Variants in BOC observed in about 807,000 individuals in gnomAD.
The protein encoded by BOC is brother of CDO.
In BOC, 76 loss-of-function variants were observed where a neutral mutation model predicts 112.0. The observed-to-expected ratio is 0.68, with a 90% CI of 0.56 to 0.82. The LOEUF is 0.82. Ranked by LOEUF, BOC falls within the 40% of genes least tolerant of loss-of-function variation. The pLI, the probability that BOC is intolerant of heterozygous loss-of-function variation, is 0.00. For synonymous variants in BOC, 580 were observed against 599.8 expected (o/e 0.97, Z 0.48); for missense variants, 1,309 against 1,511.7 (o/e 0.87, Z 2.22).
chr3:113,266,308 T>C (rs1396203127), intron 4 of BOC, among the ~76,000 whole-genome samples: 1 of 152,220 alleles, frequency 6.6e-6, no homozygotes, highest in Admixed American at 6.5e-5. Context: ...AAGCACATCA[T>C]GGAGAATGGA....
At chr3:113,281,959 C>T (rs1576506284) in intron 15 of BOC, among the ~76,000 whole-genome samples, 1 of 152,152 alleles carries the variant, frequency 6.6e-6, no homozygotes, top group Non-Finnish European at 1.5e-5. Context: ...CCTGGATCAC[C>T]TGGTGCAGGG....
At chr3:113,261,859 C>G (rs1399722228) in intron 4 of BOC, 1 of 152,150 alleles carries the variant, frequency 6.6e-6, no homozygotes, top group Non-Finnish European at 1.5e-5. Flanking sequence ...CATCTCTTCC[C>G]CAATCCCAGC....
At chr3:113,272,826 G>A in intron 7 of BOC, 123 bp downstream of exon 7, 1 of 1,241,590 alleles carries the variant, frequency 8.1e-7, no homozygotes, top group Non-Finnish European at 1.1e-6. Context: ...GCTGAGTGAG[G>A]AACAGGCATG....
chr3:113,280,048 C>T (rs1051580502), intron 13 of BOC, 43 bp downstream of exon 13: 1 of 1,542,570 alleles, frequency 6.5e-7, no homozygotes, highest in African/African-American at 1.4e-5. Flanking sequence ...GACGGCCTCC[C>T]CTAAATGCCC....
At position 113,286,749 on chromosome 3, in the gene BOC, G is replaced by C. The variant is rs761514737; in HGVS notation, c.3235G>C (p.Asp1079His). The C allele has an allele frequency of 6.2e-7, 1 of 1,613,912 alleles. No homozygotes were observed. The highest frequency in any genetic ancestry group is 8.5e-7 in the Non-Finnish European group (1 of 1,179,872). ...TGACTCCTGCCAAGTGAGTGGAGGA[G>C]ACTGGTGTCCCCAGCACCCCGTAGG... is the stretch of plus-strand genomic sequence containing the variant. ...SPDSCQVSGGDWCPQHPVGAY... is the reference protein window; with the variant it reads ...SPDSCQVSGGHWCPQHPVGAY... The change falls in exon 20 of 20, where the codon GAC becomes CAC. Residue 1079 changes from aspartate (D) to histidine (H), a missense_variant. Coordinates refer to ENST00000682979, the MANE Select transcript of BOC (RefSeq NM_001378074.1).
chr3:113,281,131 C>A lies in BOC; in HGVS notation c.2412C>A (p.Asn804Lys). 1 of 1,614,134 alleles carries A rather than the reference C, an allele frequency of 6.2e-7. No homozygotes were observed. Among genetic ancestry groups the A allele is most frequent in the East Asian group, 2.2e-5 (1 of 44,884 alleles). The change falls in exon 15 of 20, where the codon AAC (asparagine) becomes AAA (lysine). Residue 804 changes from asparagine (N) to lysine (K), a missense_variant. Coordinates refer to ENST00000682979, the MANE Select transcript of BOC (RefSeq NM_001378074.1). The stretch of plus-strand genomic sequence containing the variant: ...AAGGAGGGGAGAGCGAGTTCAGCAA[C>A]GTGATGATCTGTGAGACCAAAGGTG... ...FNEGGESEFS[N>K]VMICETKARK...
chr3:113,225,510 A>G (rs1220985677), intron 2 of BOC, among the ~76,000 whole-genome samples: 1 of 152,162 alleles, frequency 6.6e-6, no homozygotes, highest in Non-Finnish European at 1.5e-5. Context: ...CATCTGGCCC[A>G]TTCTCCAATC....
Position 113,274,768 on chromosome 3 carries a change from C to G in BOC, c.1542+86C>G. ...GAGTCACTGTCTCTTGGCCATCTCCCCTTGAGCTCCTGAAGCCTGAGCCGG... is the reference window on the plus strand; with the variant it reads ...GAGTCACTGTCTCTTGGCCATCTCCGCTTGAGCTCCTGAAGCCTGAGCCGG... On this transcript the variant is annotated intron_variant, in intron 9 of 19. Transcript: ENST00000682979. This position sits in a 1 kb window ranked among gnomAD's most constrained non-coding sequence, Gnocchi z 4.8. 2 of 1,367,880 alleles carry G rather than the reference C, an allele frequency of 1.5e-6. No individual in the cohort carries two copies. The allele number at this position is 1,367,880 out of a possible 1,614,324, so 84.7% of individuals were successfully genotyped here.
chr3:113,269,547 A>G (rs1947881969), intron 5 of BOC: 1 of 152,058 alleles, frequency 6.6e-6, no homozygotes, highest in African/African-American at 2.4e-5. Flanking sequence ...AAATATATAT[A>G]TATACCTTTA....
At chr3:113,255,858 C>T (rs1372881435) in intron 4 of BOC, among the ~76,000 whole-genome samples, 1 of 152,130 alleles carries the variant, frequency 6.6e-6, no homozygotes, top group Non-Finnish European at 1.5e-5. Flanking sequence ...TAATTTAACC[C>T]ATGAATAAAA....
At chr3:113,240,026 G>A (rs541348840) in intron 2 of BOC, among the ~76,000 whole-genome samples, 1 of 152,310 alleles carries the variant, frequency 6.6e-6, no homozygotes, top group African/African-American at 2.4e-5. Flanking sequence ...CGAGGACCAA[G>A]GAGCTGAGGC....
intron 2 of BOC, among the ~76,000 whole-genome samples, chr3:113,240,229 G>A (rs1398192755): frequency 2.0e-5 from 3 of 152,216 alleles, no homozygotes; most frequent in Non-Finnish European, 1.5e-5. Flanking sequence ...AGGGAATGTG[G>A]AATGTATCAA....
chr3:113,269,314 C>T (rs1947856890), intron 5 of BOC: 1 of 152,222 alleles, frequency 6.6e-6, no homozygotes, highest in South Asian at 2.1e-4. Context: ...ACTTGGTCCA[C>T]AGAATGCCAG....
rs551525789 is a variant in BOC at position 113,284,841 on chromosome 3, A to T, written c.2949A>T (p.Gln983His). 14 of 1,614,006 alleles carry T rather than the reference A, an allele frequency of 8.7e-6. No individual in the cohort carries two copies. Among genetic ancestry groups the T allele is most frequent in the Non-Finnish European group, 1.2e-5 (14 of 1,179,994 alleles). ...ATCTTGGCAATGGATATGACCCCCA[A>T]AGTCACCAGATCACGAGGTAACCAG... is the stretch of plus-strand genomic sequence containing the variant. ...QTHLGNGYDP[Q>H]SHQITRGPKS... The change falls in exon 18 of 20, where the codon CAA becomes CAT. Residue 983 changes from glutamine (Q) to histidine (H), a missense_variant. Transcript: ENST00000682979.
chr3:113,225,286 CA>C (rs1359097470), intron 2 of BOC, among the ~76,000 whole-genome samples: 5 of 147,710 alleles, frequency 3.4e-5, no homozygotes, highest in East Asian at 2.0e-4. Context: ...AAAAAAACAA[CA>C]AAAAAAAACC....
Position 113,250,669 on chromosome 3 carries a change from A to G in BOC, c.212A>G (p.Asn71Ser). The G allele has an allele frequency of 6.2e-7, 1 of 1,614,152 alleles. No individual in the cohort carries two copies. Among genetic ancestry groups the G allele is most frequent in the Non-Finnish European group, 8.5e-7 (1 of 1,180,026 alleles). ...PPRMNVTWRL[N>S]GKELNGSDDA... ...AGGATGAATGTAACCTGGCGCCTGA[A>G]TGGAAAGGAGCTGAATGGCTCGGAT... Residue 71 changes from asparagine to serine, a missense_variant, in exon 4 of 20, where the codon AAT becomes AGT. By Grantham distance (46) the Asn-to-Ser change is conservative. Transcript: ENST00000682979.
chr3:113,269,101 AG>A (rs1947830853), intron 5 of BOC, among the ~76,000 whole-genome samples: 1 of 152,192 alleles, frequency 6.6e-6, no homozygotes, highest in Non-Finnish European at 1.5e-5. Flanking sequence ...ACACACAGGA[AG>A]GCTGCCTAAT....
chr3:113,235,302 T>C (rs369823605), intron 2 of BOC, among the ~76,000 whole-genome samples: 81 of 152,332 alleles, frequency 5.3e-4, no homozygotes, highest in African/African-American at 1.7e-3. Context: ...ACCCTGGTCA[T>C]ATGTTGTAAT....
intron 6 of BOC, chr3:113,271,431 C>T (rs990166914): frequency 1.8e-5 from 6 of 336,470 alleles, no homozygotes; most frequent in African/African-American, 1.1e-4. Flanking sequence ...CACATGCTCT[C>T]AATGCACAGG....
Sources: gnomAD v4.1 joint callset for allele counts (sites outside exome capture counted in the v4.1 genomes callset) on GRCh38, gnomAD v4.1.1 for gene constraint, Gnocchi (gnomAD v3.1) non-coding constraint, MANE v1.5 for transcripts, NCBI Gene and HGNC (gene_info 2026-07-23, HGNC 2026-07-21) for gene names.